TMOD2: variants seen among roughly 807,000 people sequenced by gnomAD.
TMOD2 encodes tropomodulin-2.
Under a neutral mutation model 39.9 loss-of-function variants are expected in TMOD2, and 22 were observed. The observed-to-expected ratio is 0.55, with a 90% CI of 0.39 to 0.79. TMOD2 has a LOEUF of 0.79. Among genes scored for constraint, TMOD2 ranks in the 30% least tolerant of loss-of-function variants. The pLI, the probability that TMOD2 is intolerant of heterozygous loss-of-function variation, is 0.00. For missense variants in TMOD2, 386 were observed against 413.3 expected (o/e 0.93, Z 0.57); for synonymous variants, 123 against 146.1 (o/e 0.84, Z 1.14).
At chr15:51,753,254 G>C (rs2055719505) in intron 1 of TMOD2, among the ~76,000 whole-genome samples, 2 of 152,160 alleles carry the variant, frequency 1.3e-5, no homozygotes, top group East Asian at 3.8e-4. Flanking sequence ...AGGTGGTTGG[G>C]GAATAGGATT....
At chr15:51,789,241 C>CA (rs1567243455) in intron 7 of TMOD2, among the ~76,000 whole-genome samples, 3 of 152,086 alleles carry the variant, frequency 2.0e-5, no homozygotes, top group Non-Finnish European at 4.4e-5. Context: ...TTTAAACTAA[C>CA]AAAGATCAAA....
In TMOD2 at chr15:51,810,754, T is replaced by C. The variant is rs1002807367; in HGVS notation, c.*2300T>C. 4.6e-5 allele frequency: 7 copies of C among 151,650 alleles called. No homozygotes were observed. The highest frequency in any genetic ancestry group is 1.7e-4 in the African/African-American group (7 of 41,320). The allele number at this position is 151,650 out of a possible 1,614,324, so 9.4% of individuals were successfully genotyped here. A position where few individuals can be genotyped will look rare whatever the true frequency, so the allele number is the denominator to read the frequency against. On this transcript the variant is annotated 3_prime_UTR_variant, in exon 10 of 10. Transcript: ENST00000249700. ...CTCTCCAAGTAAGCCTTTTTCCTTT[T>C]TTTTTTTTTTTTTCTTACTCTCATT...
At position 51,762,853 on chromosome 15, in the gene TMOD2, C is replaced by T. The variant is rs80291995; in HGVS notation, c.-69-3520C>T. Among the ~76,000 whole-genome samples the T allele has an allele frequency of 1.7e-3, 260 of 152,242 alleles. 11 individuals are homozygous for T. Among genetic ancestry groups the T allele is most frequent in the East Asian group, 0.017 (88 of 5,180 alleles). On this transcript the variant is annotated intron_variant, in intron 1 of 9. Coordinates refer to ENST00000249700, the MANE Select transcript of TMOD2 (RefSeq NM_014548.4). Reference sequence around the variant, plus strand: ...TCATTATAATTATTTTGAGGTTCATCCATGTTTTTGTGTACATCAATAGTT... The same window carrying T: ...TCATTATAATTATTTTGAGGTTCATTCATGTTTTTGTGTACATCAATAGTT...
chr15:51,769,622 G>T (rs148568773), intron 3 of TMOD2, among the ~76,000 whole-genome samples: 222 of 152,344 alleles, frequency 1.5e-3, no homozygotes, highest in African/African-American at 5.2e-3. Flanking sequence ...CCCTTGGGAG[G>T]AAGAGTGACT....
chr15:51,803,190 T>G (rs200703046), intron 8 of TMOD2, among the ~76,000 whole-genome samples: 2,018 of 148,686 alleles, frequency 0.014, 23 homozygotes, highest in Admixed American at 0.057. Context: ...TTTTTTTTTT[T>G]TCTTTTTGAG....
intron 9 of TMOD2, among the ~76,000 whole-genome samples, chr15:51,806,940 A>C (rs1033442550): frequency 1.6e-4 from 24 of 152,344 alleles, no homozygotes; most frequent in African/African-American, 5.8e-4. Context: ...GGCACTTTAC[A>C]TGTGATATAA....
chr15:51,755,918 C>G (rs142476023), intron 1 of TMOD2, among the ~76,000 whole-genome samples: 1 of 151,744 alleles, frequency 6.6e-6, no homozygotes, highest in Non-Finnish European at 1.5e-5. Flanking sequence ...AGCAGGAAAC[C>G]CGGTGCCAAT....
intron 5 of TMOD2, 40 bp from the exon 6 acceptor site, chr15:51,781,004 A>G (rs1271086856): frequency 1.3e-6 from 2 of 1,550,654 alleles, no homozygotes; most frequent in South Asian, 1.2e-5. Context: ...TTTTGATAGG[A>G]GAGACTTTGC....
chr15:51,760,894 G>A (rs1350324814), intron 1 of TMOD2, among the ~76,000 whole-genome samples: 1 of 152,178 alleles, frequency 6.6e-6, no homozygotes, highest in African/African-American at 2.4e-5. Context: ...GTGAGGAATA[G>A]GAGGAGGACG....
intron 1 of TMOD2, among the ~76,000 whole-genome samples, chr15:51,760,136 A>G (rs1438984387): frequency 6.6e-6 from 1 of 152,210 alleles, no homozygotes; most frequent in Non-Finnish European, 1.5e-5. Flanking sequence ...TGGAAAATGG[A>G]AGTATTTGGG....
intron 1 of TMOD2, among the ~76,000 whole-genome samples, chr15:51,754,619 T>A (rs1375352904): frequency 6.6e-6 from 1 of 152,266 alleles, no homozygotes; most frequent in Non-Finnish European, 1.5e-5. Context: ...CATGAATGTC[T>A]GTGTGTACTT....
At chr15:51,805,813 A>C (rs1158611373) in intron 8 of TMOD2, among the ~76,000 whole-genome samples, 1 of 152,218 alleles carries the variant, frequency 6.6e-6, no homozygotes, top group Admixed American at 6.5e-5. Flanking sequence ...TATAAAAAAG[A>C]AGAAAAAGTA....
At chr15:51,753,327 G>T (rs2055720147) in intron 1 of TMOD2, among the ~76,000 whole-genome samples, 1 of 152,146 alleles carries the variant, frequency 6.6e-6, no homozygotes, top group Admixed American at 6.5e-5. Flanking sequence ...TTACAATGGA[G>T]AAATTAGGAG....
chr15:51,762,436 G>A (rs689922), intron 1 of TMOD2, among the ~76,000 whole-genome samples: 23,421 of 152,126 alleles, frequency 0.15, 2,409 homozygotes, highest in East Asian at 0.54. Context: ...ACTCAAGCCT[G>A]GCAACAGACT....
At chr15:51,760,532 T>A (rs1200408998) in intron 1 of TMOD2, among the ~76,000 whole-genome samples, 1 of 152,104 alleles carries the variant, frequency 6.6e-6, no homozygotes, top group African/African-American at 2.4e-5. Context: ...GGGCTGGGCG[T>A]GGTGGCTCAC....
chr15:51,782,683 C>A, intron 6 of TMOD2, 38 bp from the exon 7 acceptor site: 1 of 1,526,334 alleles, frequency 6.6e-7, no homozygotes, highest in Non-Finnish European at 9.1e-7. Flanking sequence ...GTGTGCCATA[C>A]AATGGTTCAT....
intron 8 of TMOD2, among the ~76,000 whole-genome samples, chr15:51,804,012 G>A (rs1286168293): frequency 5.9e-5 from 9 of 152,100 alleles, no homozygotes; most frequent in African/African-American, 2.2e-4. Context: ...CGTACAGTTA[G>A]CAAGAATAAA....
chr15:51,803,931 CA>C (rs2056105624), intron 8 of TMOD2, among the ~76,000 whole-genome samples: 1 of 152,154 alleles, frequency 6.6e-6, no homozygotes, highest in South Asian at 2.1e-4. Context: ...AAATTTTCAC[CA>C]ACTGTATAGA....
intron 8 of TMOD2, among the ~76,000 whole-genome samples, chr15:51,802,433 AGTGTGGATTT>A (rs1166449010): frequency 1.3e-5 from 2 of 152,348 alleles, no homozygotes; most frequent in South Asian, 4.1e-4. Context: ...AGGATGAATA[AGTGTGGATTT>A]GTCTTTTATT....
Sources: gnomAD v4.1 joint callset for allele counts (sites outside exome capture counted in the v4.1 genomes callset) on GRCh38, gnomAD v4.1.1 for gene constraint, MANE v1.5 for transcripts, NCBI Gene and HGNC (gene_info 2026-07-23, HGNC 2026-07-21) for gene names.